NKAIN2: variants seen among roughly 807,000 people sequenced by gnomAD.
NKAIN2 encodes sodium/potassium-transporting ATPase subunit beta-1-interacting protein 2.
NKAIN2 carries 14 observed loss-of-function variants against 32.6 expected under a neutral mutation model. The ratio of observed to expected loss-of-function variants is 0.43; its 90% CI spans 0.28 to 0.67. NKAIN2 has a LOEUF of 0.67. Ranked by LOEUF, NKAIN2 falls within the 30% of genes least tolerant of loss-of-function variation. The probability of loss-of-function intolerance (pLI) is 0.17; values close to 1 mark genes in which losing one functional copy is unlikely to be tolerated. For missense variants in NKAIN2, 198 were observed against 258.3 expected (o/e 0.77, Z 1.60); for synonymous variants, 80 against 87.2 (o/e 0.92, Z 0.46).
chr6:124,433,531 G>A (rs907460194), intron 3 of NKAIN2, among the ~76,000 whole-genome samples: 1 of 152,162 alleles, frequency 6.6e-6, no homozygotes. Flanking sequence ...TTTTCTGGAA[G>A]GGAGAAATGC....
chr6:124,191,662 C>T (rs1790028724), intron 1 of NKAIN2, among the ~76,000 whole-genome samples: 1 of 152,090 alleles, frequency 6.6e-6, no homozygotes, highest in African/African-American at 2.4e-5. Flanking sequence ...GAGCAGACAT[C>T]TGTGTCTGGA....
At chr6:124,478,631 G>T (rs529179558) in intron 3 of NKAIN2, among the ~76,000 whole-genome samples, 1 of 152,208 alleles carries the variant, frequency 6.6e-6, no homozygotes, top group African/African-American at 2.4e-5. Flanking sequence ...CATAGTATTA[G>T]ATTATAATCT....
At chr6:124,349,996 C>A (rs1562506609) in intron 2 of NKAIN2, among the ~76,000 whole-genome samples, 1 of 152,148 alleles carries the variant, frequency 6.6e-6, no homozygotes, top group Non-Finnish European at 1.5e-5. Flanking sequence ...TCATCACAGA[C>A]AATATCTCAA....
chr6:124,183,337 AC>A (rs1789543930), intron 1 of NKAIN2, among the ~76,000 whole-genome samples: 1 of 152,124 alleles, frequency 6.6e-6, no homozygotes, highest in Non-Finnish European at 1.5e-5. Context: ...TTTATATTAC[AC>A]TTCTATTACT....
intron 3 of NKAIN2, among the ~76,000 whole-genome samples, chr6:124,464,044 A>G (rs1368582969): frequency 2.0e-5 from 3 of 152,058 alleles, no homozygotes; most frequent in Non-Finnish European, 4.4e-5. Flanking sequence ...GTGCAGTGGC[A>G]TGATCTCGAC....
intron 3 of NKAIN2, among the ~76,000 whole-genome samples, chr6:124,528,846 A>G (rs915373752): frequency 6.6e-6 from 1 of 152,230 alleles, no homozygotes; most frequent in Non-Finnish European, 1.5e-5. Context: ...TTTTAAAGCA[A>G]TTAAGAGATG....
chr6:124,741,381 T>C (rs1265668944), intron 4 of NKAIN2, among the ~76,000 whole-genome samples: 1 of 151,876 alleles, frequency 6.6e-6, no homozygotes, highest in East Asian at 1.9e-4. Context: ...AATATTCATT[T>C]GAAATGAATG....
chr6:124,506,980 G>T (rs1252353919), intron 3 of NKAIN2, among the ~76,000 whole-genome samples: 1 of 152,188 alleles, frequency 6.6e-6, no homozygotes, highest in Non-Finnish European at 1.5e-5. Context: ...CCTGACAGAA[G>T]CTCCAAGTGA....
At chr6:124,726,459 A>T (rs548508631) in intron 4 of NKAIN2, among the ~76,000 whole-genome samples, 43 of 152,106 alleles carry the variant, frequency 2.8e-4, no homozygotes, top group East Asian at 3.9e-4. Flanking sequence ...CTGACACCTC[A>T]CACGGCAGGG....
chr6:124,156,483 AGT>A, intron 1 of NKAIN2, among the ~76,000 whole-genome samples: 1 of 152,212 alleles, frequency 6.6e-6, no homozygotes. Flanking sequence ...CTGGGGAAAG[AGT>A]GTGTCAGGAA....
At chr6:124,767,360 A>G (rs966342934) in intron 4 of NKAIN2, among the ~76,000 whole-genome samples, 9 of 152,226 alleles carry the variant, frequency 5.9e-5, no homozygotes, top group African/African-American at 2.2e-4. Flanking sequence ...CTGACAGGTA[A>G]CCATAAATTT....
At chr6:124,598,897 T>A (rs1215307226) in intron 3 of NKAIN2, among the ~76,000 whole-genome samples, 4 of 152,132 alleles carry the variant, frequency 2.6e-5, no homozygotes, top group Non-Finnish European at 5.9e-5. Context: ...TTCTCAAGTT[T>A]CTATCTTAGA....
At chr6:124,135,506 C>A (rs1420673130) in intron 1 of NKAIN2, among the ~76,000 whole-genome samples, 5 of 65,440 alleles carry the variant, frequency 7.6e-5, no homozygotes, top group Admixed American at 2.2e-4. Context: ...GACTTTAAAG[C>A]AACGATAGTA....
intron 1 of NKAIN2, among the ~76,000 whole-genome samples, chr6:124,042,116 C>A (rs970912798): frequency 2.0e-5 from 3 of 152,060 alleles, no homozygotes; most frequent in African/African-American, 7.2e-5. Flanking sequence ...GGACTTACCA[C>A]GGAAAGAAAA....
chr6:123,868,205 T>A (rs950340919), intron 1 of NKAIN2, among the ~76,000 whole-genome samples: 1 of 152,164 alleles, frequency 6.6e-6, no homozygotes, highest in Non-Finnish European at 1.5e-5. Flanking sequence ...TTCAGTCTCC[T>A]GCATGAGGCT....
chr6:124,609,557 G>T (rs1364722819), intron 3 of NKAIN2, among the ~76,000 whole-genome samples: 1 of 152,038 alleles, frequency 6.6e-6, no homozygotes, highest in African/African-American at 2.4e-5. Context: ...AGAGTAACGA[G>T]TGAAGATGAT....
chr6:124,616,202 T>TGTAA (rs1001711947), intron 3 of NKAIN2, among the ~76,000 whole-genome samples: 1 of 152,028 alleles, frequency 6.6e-6, no homozygotes, highest in Non-Finnish European at 1.5e-5. Context: ...ATTCCCTTCT[T>TGTAA]GTAAGTGTCA....
chr6:124,658,410 C>A, intron 4 of NKAIN2, 24 bp downstream of exon 4: 1 of 1,614,050 alleles, frequency 6.2e-7, no homozygotes, highest in African/African-American at 1.3e-5. Flanking sequence ...GCCAACCGCT[C>A]CTTCTAGTGC....
intron 4 of NKAIN2, among the ~76,000 whole-genome samples, chr6:124,668,287 A>G (rs1009225951): frequency 6.6e-6 from 1 of 152,078 alleles, no homozygotes; most frequent in Admixed American, 6.6e-5. Flanking sequence ...ACTGAAGTAG[A>G]GTGTCCTGTC....
Sources: allele counts gnomAD v4.1 joint callset (sites outside exome capture counted in the v4.1 genomes callset), GRCh38; gene constraint gnomAD v4.1.1; transcripts MANE v1.5; gene names NCBI Gene and HGNC (gene_info 2026-07-23, HGNC 2026-07-21).